Variants in LRRC1 observed in about 807,000 individuals in gnomAD.
The protein encoded by LRRC1 is leucine-rich repeat-containing protein 1.
In LRRC1, 28 loss-of-function variants were observed where a neutral mutation model predicts 69.9. The ratio of observed to expected loss-of-function variants is 0.40; its 90% CI spans 0.30 to 0.55. The LOEUF is 0.55. LRRC1 is among the 20% of genes least tolerant of loss of function. The probability of loss-of-function intolerance (pLI) is 0.47; values close to 1 mark genes in which losing one functional copy is unlikely to be tolerated. For synonymous variants in LRRC1, 236 were observed against 240.2 expected (o/e 0.98, Z 0.16); for missense variants, 498 against 609.0 (o/e 0.82, Z 1.92).
chr6:53,844,080 T>C (rs1238699817), intron 2 of LRRC1, among the ~76,000 whole-genome samples: 1 of 152,154 alleles, frequency 6.6e-6, no homozygotes, highest in African/African-American at 2.4e-5. Context: ...GCAGCTTCGC[T>C]TACACTGGAG....
intron 10 of LRRC1, among the ~76,000 whole-genome samples, chr6:53,906,088 C>T (rs1031262161): frequency 6.6e-6 from 1 of 152,160 alleles, no homozygotes; most frequent in Non-Finnish European, 1.5e-5. Flanking sequence ...AGGCACTGTA[C>T]TAGATGCTTT....
chr6:53,843,921 T>C (rs967150237), intron 2 of LRRC1, among the ~76,000 whole-genome samples: 1 of 152,002 alleles, frequency 6.6e-6, no homozygotes, highest in Non-Finnish European at 1.5e-5. Flanking sequence ...CAGTGAAGAG[T>C]GGTTGACCCA....
chr6:53,850,465 G>A (rs1469371128), intron 2 of LRRC1, among the ~76,000 whole-genome samples: 3 of 152,164 alleles, frequency 2.0e-5, no homozygotes, highest in African/African-American at 7.2e-5. Flanking sequence ...CATTAAAAAT[G>A]CAGATATCTG....
intron 9 of LRRC1, 77 bp downstream of exon 9, chr6:53,902,824 A>G (rs1768101566): frequency 1.1e-6 from 1 of 908,986 alleles, no homozygotes; most frequent in South Asian, 2.0e-5. Flanking sequence ...AGTGGACTAA[A>G]TGGAAATTTC....
chr6:53,863,479 T>A (rs1056108032), intron 2 of LRRC1, among the ~76,000 whole-genome samples: 9 of 152,222 alleles, frequency 5.9e-5, no homozygotes, highest in African/African-American at 2.2e-4. Flanking sequence ...TCCACGTAGA[T>A]AGGTCTCTGA....
At chr6:53,913,462 CT>C (rs1768474074) in intron 10 of LRRC1, among the ~76,000 whole-genome samples, 1 of 151,998 alleles carries the variant, frequency 6.6e-6, no homozygotes, top group African/African-American at 2.4e-5. Flanking sequence ...TTTGGCCTAA[CT>C]TTTGAAAATA....
chr6:53,874,967 G>T (rs1003040075), intron 2 of LRRC1, among the ~76,000 whole-genome samples: 2 of 152,054 alleles, frequency 1.3e-5, no homozygotes, highest in Non-Finnish European at 2.9e-5. Flanking sequence ...GTCATAAAAA[G>T]AATACAAAAT....
At chr6:53,871,866 C>T (rs1766896230) in intron 2 of LRRC1, among the ~76,000 whole-genome samples, 1 of 152,120 alleles carries the variant, frequency 6.6e-6, no homozygotes, top group Non-Finnish European at 1.5e-5. Context: ...CGGGGTTTTG[C>T]CATGTTAGCC....
chr6:53,832,984 T>C (rs1765472896), intron 1 of LRRC1, among the ~76,000 whole-genome samples: 1 of 152,188 alleles, frequency 6.6e-6, no homozygotes, highest in South Asian at 2.1e-4. Context: ...CATATAATAG[T>C]TCATTGTATG....
chr6:53,906,640 T>C (rs946549090), intron 10 of LRRC1, among the ~76,000 whole-genome samples: 2 of 152,258 alleles, frequency 1.3e-5, no homozygotes, highest in Non-Finnish European at 2.9e-5. Context: ...TAGAGGGTTA[T>C]ATCTAGTCCA....
At chr6:53,840,165 A>C (rs1191066953) in intron 1 of LRRC1, among the ~76,000 whole-genome samples, 1 of 152,198 alleles carries the variant, frequency 6.6e-6, no homozygotes, top group African/African-American at 2.4e-5. Context: ...AGTCCTGAGA[A>C]AGGTGCAAGG....
chr6:53,809,603 T>C (rs887901757), intron 1 of LRRC1, among the ~76,000 whole-genome samples: 4 of 152,240 alleles, frequency 2.6e-5, no homozygotes, highest in African/African-American at 9.6e-5. Flanking sequence ...AGATATTTAC[T>C]TGTGTACTTT....
chr6:53,888,470 G>T (rs1767566446), intron 4 of LRRC1, among the ~76,000 whole-genome samples: 1 of 152,154 alleles, frequency 6.6e-6, no homozygotes, highest in Non-Finnish European at 1.5e-5. Flanking sequence ...TAAGTGGTAA[G>T]ATAATGTGTG....
intron 1 of LRRC1, 98 bp from the exon 2 acceptor site, chr6:53,842,012 A>C (rs780092657): frequency 4.3e-6 from 3 of 705,480 alleles, no homozygotes; most frequent in Non-Finnish European, 7.3e-6. Flanking sequence ...TACAACCTTC[A>C]TTAGTTTTTA....
At chr6:53,846,969 A>G (rs9370235) in intron 2 of LRRC1, among the ~76,000 whole-genome samples, 126,196 of 152,114 alleles carry the variant, frequency 0.83, 52,558 homozygotes, top group East Asian at 0.96. Context: ...GAATTTTATA[A>G]TCTATGCTGT....
intron 2 of LRRC1, among the ~76,000 whole-genome samples, chr6:53,869,891 G>A (rs1460141786): frequency 1.3e-5 from 2 of 152,220 alleles, no homozygotes; most frequent in Non-Finnish European, 2.9e-5. Context: ...TAAGCAACTT[G>A]CTTAAAGCAA....
At chr6:53,804,254 A>T (rs1040519519) in intron 1 of LRRC1, among the ~76,000 whole-genome samples, 1 of 152,156 alleles carries the variant, frequency 6.6e-6, no homozygotes, top group Non-Finnish European at 1.5e-5. Context: ...TTTTTATTTT[A>T]TTTTTAATTG....
chr6:53,921,364 CTT>C (rs373096570), intron 13 of LRRC1, among the ~76,000 whole-genome samples: 9 of 151,528 alleles, frequency 5.9e-5, no homozygotes, highest in Admixed American at 5.9e-4. Context: ...CATGGAGAAA[CTT>C]TTTTTTTAAT....
intron 1 of LRRC1, among the ~76,000 whole-genome samples, chr6:53,821,091 AC>A (rs1336846541): frequency 6.6e-6 from 1 of 152,238 alleles, no homozygotes. Flanking sequence ...TGAAAGCAAA[AC>A]ATTATTTTTT....
Sources: gnomAD v4.1 joint callset for allele counts (sites outside exome capture counted in the v4.1 genomes callset) on GRCh38, gnomAD v4.1.1 for gene constraint, MANE v1.5 for transcripts, NCBI Gene and HGNC (gene_info 2026-07-23, HGNC 2026-07-21) for gene names.